Variants in LMO2 observed in about 807,000 individuals in gnomAD.
LMO2 encodes the protein rhombotin-2.
LMO2 carries 20 observed loss-of-function variants against 23.2 expected under a neutral mutation model. The ratio of observed to expected loss-of-function variants is 0.86; its 90% CI spans 0.61 to 1.25. The LOEUF is 1.25. LMO2 is among the 50% of genes most tolerant of loss of function. The pLI, the probability that LMO2 is intolerant of heterozygous loss-of-function variation, is 0.00. For synonymous variants in LMO2, 123 were observed against 130.2 expected (o/e 0.94, Z 0.38); for missense variants, 270 against 315.3 (o/e 0.86, Z 1.09).
intron 4 of LMO2, among the ~76,000 whole-genome samples, chr11:33,867,468 C>G (rs960749774): frequency 1.3e-5 from 2 of 152,182 alleles, no homozygotes; most frequent in African/African-American, 4.8e-5. Flanking sequence ...CAATCCAAGA[C>G]AATGACTGAA....
intron 4 of LMO2, among the ~76,000 whole-genome samples, chr11:33,868,949 C>T (rs1422433091): frequency 6.6e-6 from 1 of 152,198 alleles, no homozygotes; most frequent in African/African-American, 2.4e-5. Flanking sequence ...ACCAAATGGA[C>T]AAAGAGAAAG....
Position 33,880,078 on chromosome 11 carries a change from G to A in LMO2, c.-272+1746C>T, listed in dbSNP as rs192303523. Among the ~76,000 whole-genome samples, 1 of 152,062 alleles carries A rather than the reference G, an allele frequency of 6.6e-6. No homozygotes were observed. Among genetic ancestry groups the A allele is most frequent in the East Asian group, 1.9e-4 (1 of 5,184 alleles). On this transcript the variant is annotated intron_variant, in intron 2 of 5. Transcript: ENST00000257818. This position sits in a 1 kb window ranked among gnomAD's most constrained non-coding sequence, Gnocchi z 4.3. ...ACAGCAGTACTATTCACAATAGCCA[G>A]AAAGTGGAAGCAACCAAGTGTCTAT...
intron 4 of LMO2, among the ~76,000 whole-genome samples, chr11:33,865,377 G>A (rs1467544645): frequency 6.6e-6 from 1 of 152,228 alleles, no homozygotes; most frequent in African/African-American, 2.4e-5. Flanking sequence ...AAAGAAGAAT[G>A]AGACCAAAAA....
At chr11:33,869,636 CGGCCGAGGCGGG>C in intron 3 of LMO2, 50 bp from the exon 4 acceptor site, 1 of 1,255,890 alleles carries the variant, frequency 8.0e-7, no homozygotes, top group Non-Finnish European at 1.0e-6. Context: ...GGGCGCGCCG[CGGCCGAGGCGGG>C]GGCCGGGGCG....
rs1856705896 is a variant in LMO2, at chr11:33,864,636, G to A, written c.430C>T (p.Leu144=). 6.2e-7 allele frequency: 1 copy of A among 1,613,984 alleles called. No homozygotes were observed. The highest frequency in any genetic ancestry group is 1.3e-5 in the African/African-American group (1 of 75,050). ...TCTCTCCGGCAGAGCTTCCGGCCCA[G>A]TTTGTAGTAGAGGCGCCGCCCCACC... ...GEVGRRLYYK[L]GRKLCRRDYL... The change falls in exon 5 of 6, where the codon CTG becomes TTG. Residue 144 remains leucine, a synonymous_variant. Coordinates refer to ENST00000257818, the MANE Select transcript of LMO2 (RefSeq NM_005574.4). The surrounding 1 kb of genome is among the most constrained non-coding windows in gnomAD (Gnocchi z 4.8).
intron 2 of LMO2, among the ~76,000 whole-genome samples, chr11:33,874,109 T>G (rs1446559630): frequency 6.6e-6 from 1 of 151,758 alleles, no homozygotes; most frequent in Non-Finnish European, 1.5e-5. Flanking sequence ...CTTAATAGGG[T>G]TTCGGCTCCC....
intron 2 of LMO2, among the ~76,000 whole-genome samples, chr11:33,873,399 G>A (rs982767817): frequency 3.9e-5 from 6 of 152,152 alleles, no homozygotes; most frequent in Non-Finnish European, 7.3e-5. Flanking sequence ...CTGCCTACCG[G>A]TGGGATTTCA....
In LMO2 at chr11:33,864,377, T is replaced by C. The variant is rs1856694827; in HGVS notation, c.464+225A>G. Among the ~76,000 whole-genome samples the C allele has an allele frequency of 6.6e-6, 1 of 152,196 alleles. No individual in the cohort carries two copies. The highest frequency in any genetic ancestry group is 2.1e-4 in the South Asian group (1 of 4,832). On this transcript the variant is annotated intron_variant, in intron 5 of 5. Transcript: ENST00000257818. The surrounding 1 kb of genome is among the most constrained non-coding windows in gnomAD (Gnocchi z 4.8). Reference sequence around the variant, plus strand: ...TCTCTTGCCTTTAAAGATATTAGTATTTTACCACATAGGAACGTAACCCTG... The same window carrying C: ...TCTCTTGCCTTTAAAGATATTAGTACTTTACCACATAGGAACGTAACCCTG...
chr11:33,864,247 C>T lies in LMO2; in HGVS notation c.464+355G>A, dbSNP rs1856689110. Among the ~76,000 whole-genome samples the T allele has an allele frequency of 6.6e-6, 1 of 152,124 alleles. No homozygotes were observed. Among genetic ancestry groups the T allele is most frequent in the African/African-American group, 2.4e-5 (1 of 41,426 alleles). Reference sequence around the variant, plus strand: ...CAGAGCCCACCTCCAAACTTAGAAACACTCCCAGTCCCTCTGATCCTCCGT... The same window carrying T: ...CAGAGCCCACCTCCAAACTTAGAAATACTCCCAGTCCCTCTGATCCTCCGT... On this transcript the variant is annotated intron_variant, in intron 5 of 5. Transcript: ENST00000257818. The surrounding 1 kb of genome is among the most constrained non-coding windows in gnomAD (Gnocchi z 4.8).
chr11:33,875,300 G>A (rs189113011), intron 2 of LMO2, among the ~76,000 whole-genome samples: 6 of 152,242 alleles, frequency 3.9e-5, no homozygotes, highest in East Asian at 3.9e-4. Flanking sequence ...TTGGGCGGCC[G>A]GGCGAGGTGG....
chr11:33,866,142 G>C (rs1255816245), intron 4 of LMO2, among the ~76,000 whole-genome samples: 2 of 152,150 alleles, frequency 1.3e-5, no homozygotes, highest in African/African-American at 2.4e-5. Flanking sequence ...TTATACTTGG[G>C]GACAGGAGGC....
chr11:33,884,710 T>C (rs1343932884), intron 1 of LMO2, among the ~76,000 whole-genome samples: 2 of 152,224 alleles, frequency 1.3e-5, no homozygotes, highest in Non-Finnish European at 2.9e-5. Flanking sequence ...ATTTGGTTTC[T>C]GTTTGGTGGT....
intron 2 of LMO2, chr11:33,881,388 G>A (rs1015181862): frequency 2.2e-6 from 1 of 456,552 alleles, no homozygotes; most frequent in African/African-American, 2.0e-5. Flanking sequence ...TCTTGAAGGA[G>A]GTCTTGGCAG....
intron 1 of LMO2, among the ~76,000 whole-genome samples, chr11:33,884,900 G>A (rs1857370463): frequency 6.6e-6 from 1 of 152,172 alleles, no homozygotes; most frequent in South Asian, 2.1e-4. Flanking sequence ...AGCTTCCAGT[G>A]CTGCTGTTTT....
rs192303523 is a variant in LMO2, at chr11:33,880,078, G to C, written c.-272+1746C>G. Among the ~76,000 whole-genome samples, 4 of 151,946 alleles carry C rather than the reference G, an allele frequency of 2.6e-5. No homozygotes were observed. The highest frequency in any genetic ancestry group is 9.7e-5 in the African/African-American group (4 of 41,366). On this transcript the variant is annotated intron_variant, in intron 2 of 5. Transcript: ENST00000257818. This position sits in a 1 kb window ranked among gnomAD's most constrained non-coding sequence, Gnocchi z 4.3. ...ACAGCAGTACTATTCACAATAGCCA[G>C]AAAGTGGAAGCAACCAAGTGTCTAT...
chr11:33,879,725 T>C (rs1165926227), intron 2 of LMO2, among the ~76,000 whole-genome samples: 5 of 152,068 alleles, frequency 3.3e-5, no homozygotes, highest in Admixed American at 3.3e-4. Flanking sequence ...AAAAAAGACA[T>C]ACAAATGGCC....
chr11:33,865,555 A>G (rs928979587), intron 4 of LMO2, among the ~76,000 whole-genome samples: 3 of 152,242 alleles, frequency 2.0e-5, no homozygotes, highest in Non-Finnish European at 2.9e-5. Flanking sequence ...AAGGACATCA[A>G]ATAGGCCTTT....
In LMO2 at chr11:33,869,498, G is replaced by A; in HGVS notation, c.96C>T (p.Gly32=). 18 of 1,200,430 alleles carry A rather than the reference G, an allele frequency of 1.5e-5. No homozygotes were observed. The highest frequency in any genetic ancestry group is 1.9e-5 in the Non-Finnish European group (18 of 963,802). The allele number at this position is 1,200,430 out of a possible 1,614,324, so 74.4% of individuals were successfully genotyped here. The change falls in exon 4 of 6, where the codon GGC becomes GGT. Residue 32 remains glycine, a synonymous_variant. Transcript: ENST00000257818. The stretch of plus-strand genomic sequence containing the variant: ...GTGCTCGGGCGCCGCCGCCGCCGCC[G>A]CCGTCGCCGCCGCTCCTGCGCCTCC... The part of the protein sequence containing the change: ...SKRRRRSGGD[G]GGGGGARAPE...
chr11:33,874,126 A>T (rs1857084235), intron 2 of LMO2, among the ~76,000 whole-genome samples: 1 of 150,890 alleles, frequency 6.6e-6, no homozygotes, highest in African/African-American at 2.5e-5. Context: ...TCCCATGGAG[A>T]ATTTTTTTAA....
Sources: allele counts gnomAD v4.1 joint callset (sites outside exome capture counted in the v4.1 genomes callset), GRCh38; gene constraint gnomAD v4.1.1; non-coding constraint Gnocchi (gnomAD v3.1); transcripts MANE v1.5; gene names NCBI Gene and HGNC (gene_info 2026-07-23, HGNC 2026-07-21).